The following NOMO1 variants were observed in gnomAD, a reference collection of about 807,000 sequenced individuals.
NOMO1 encodes NODAL modulator 1.
Under a neutral mutation model 133.8 loss-of-function variants are expected in NOMO1, and 40 were observed. The observed-to-expected ratio is 0.30, with a 90% CI of 0.23 to 0.39. The LOEUF (loss-of-function observed/expected upper bound fraction) is 0.39. NOMO1 is among the 10% of genes least tolerant of loss of function. The probability of loss-of-function intolerance (pLI) is 1.00; values close to 1 mark genes in which losing one functional copy is unlikely to be tolerated. For missense variants in NOMO1, 462 were observed against 1,419.9 expected, an observed-to-expected ratio of 0.33 and a Z score of 10.84; for synonymous variants, 236 against 570.5, an observed-to-expected ratio of 0.41 and a Z score of 8.36.
At position 14,841,754 on chromosome 16, in the gene NOMO1, T is replaced by A. The variant is rs566925285; in HGVS notation, c.301+347T>A. Among the ~76,000 whole-genome samples, 9 of 152,066 alleles carry A rather than the reference T, an allele frequency of 5.9e-5. No homozygotes were observed. The East Asian group carries it at 1.7e-3, about 30-fold the overall frequency. ...CAGGATGGCTTCTTTTTTAGCCCCCTCAGTTTTTTAAGTTTTTATGGAATT... is the reference window on the plus strand; with the variant it reads ...CAGGATGGCTTCTTTTTTAGCCCCCACAGTTTTTTAAGTTTTTATGGAATT... On this transcript the variant is annotated intron_variant, in intron 3 of 30. Coordinates refer to ENST00000287667, the MANE Select transcript of NOMO1 (RefSeq NM_014287.4).
At chr16:14,893,697 T>TAA (rs1178929794) in intron 29 of NOMO1, among the ~76,000 whole-genome samples, 49 of 151,384 alleles carry the variant, frequency 3.2e-4, no homozygotes, top group African/African-American at 1.1e-3. Context: ...GACCCCTTTA[T>TAA]ACTGTTAAAA....
intron 11 of NOMO1, chr16:14,862,310 T>C (rs1177896686): frequency 6.6e-6 from 1 of 152,378 alleles, no homozygotes; most frequent in Non-Finnish European, 1.5e-5. Context: ...TGATGGTCGT[T>C]GTAGGGGGGC....
chr16:14,842,594 T>C (rs1420062988), intron 3 of NOMO1, among the ~76,000 whole-genome samples: 1 of 151,928 alleles, frequency 6.6e-6, no homozygotes, highest in Non-Finnish European at 1.5e-5. Context: ...GAATTTTCAC[T>C]AAGTGAACAC....
rs527581902 is a variant in NOMO1, at chr16:14,882,945, A to G, written c.3111+268A>G. Among the ~76,000 whole-genome samples the G allele has an allele frequency of 8.6e-3, 1,302 of 152,188 alleles. 28 individuals are homozygous for G. Among genetic ancestry groups the G allele is most frequent in the African/African-American group, 0.029 (1,213 of 41,456 alleles). On this transcript the variant is annotated intron_variant, in intron 26 of 30. Coordinates refer to ENST00000287667, the MANE Select transcript of NOMO1 (RefSeq NM_014287.4). The stretch of plus-strand genomic sequence containing the variant: ...CTGTAAGCTCTGATCATTATTCTGC[A>G]AGTTAAGGAACTTAAGGCCTAAGCA...
Position 14,854,007 on chromosome 16 carries a change from ATGACAGCT to A in NOMO1, c.948_955del (p.Asp316GlufsTer35). 8.1e-6 allele frequency: 13 copies of A among 1,597,872 alleles called. 1 individual carries two copies. In the South Asian group the frequency reaches 1.4e-4, roughly 18 times the overall value. ...TCCAGACTTGACTTCACAGTGGAGC[ATGACAGCT>A]TGAAAATCGAGGTAAGGCTTTTCTG... On this transcript the variant is annotated frameshift_variant, in exon 9 of 31. Transcript: ENST00000287667. LOFTEE classifies it high-confidence loss of function.
intron 3 of NOMO1, among the ~76,000 whole-genome samples, chr16:14,842,011 A>T (rs1963610467): frequency 6.6e-6 from 1 of 151,984 alleles, no homozygotes; most frequent in Admixed American, 6.6e-5. Context: ...GCTGGCACGT[A>T]ATTAGCAAGT....
Position 14,884,997 on chromosome 16 carries a change from A to G in NOMO1, c.3222+515A>G, listed in dbSNP as rs938969108. Among the ~76,000 whole-genome samples the G allele has an allele frequency of 2.0e-4, 31 of 152,142 alleles. 2 individuals carry two copies. Among genetic ancestry groups the G allele is most frequent in the African/African-American group, 6.5e-4 (27 of 41,428 alleles). On this transcript the variant is annotated intron_variant, in intron 27 of 30. Coordinates refer to ENST00000287667, the MANE Select transcript of NOMO1 (RefSeq NM_014287.4). ...CTGGGGAGGCCTCAGGAGGCTTCCA[A>G]TCATGGCAGAAGGTGAAGTGGGAGC...
chr16:14,858,828 G>A (rs1457925940), intron 11 of NOMO1, among the ~76,000 whole-genome samples: 1 of 152,066 alleles, frequency 6.6e-6, no homozygotes, highest in Non-Finnish European at 1.5e-5. Flanking sequence ...CAGGACTTGG[G>A]CACAGGAGCT....
At chr16:14,860,383 AG>A (rs908331413) in intron 11 of NOMO1, among the ~76,000 whole-genome samples, 7 of 150,836 alleles carry the variant, frequency 4.6e-5, no homozygotes, top group African/African-American at 1.5e-4. Flanking sequence ...AAAAAAAAAA[AG>A]AGTTATCAGT....
At chr16:14,836,694 C>CTGATTTTT (rs1441454921) in intron 1 of NOMO1, among the ~76,000 whole-genome samples, 72 of 131,166 alleles carry the variant, frequency 5.5e-4, no homozygotes, top group African/African-American at 1.9e-3. Context: ...TTCCATTTTA[C>CTGATTTTT]TTTTTTTTTT....
At chr16:14,882,450 T>G (rs1964257072) in intron 25 of NOMO1, 144 bp from the exon 26 acceptor site, 2 of 1,072,850 alleles carry the variant, frequency 1.9e-6, no homozygotes, top group South Asian at 2.9e-5. Context: ...CTCTGGACTC[T>G]TAAGGTTAAC....
At chr16:14,895,240 AG>A (rs1258708114) in intron 30 of NOMO1, 150 bp downstream of exon 30, 2 of 921,548 alleles carry the variant, frequency 2.2e-6, no homozygotes, top group African/African-American at 3.6e-5. Flanking sequence ...GTCCAGACTT[AG>A]GTCTCCTTTC....
chr16:14,893,806 T>C (rs1964440179), intron 29 of NOMO1, among the ~76,000 whole-genome samples: 1 of 151,580 alleles, frequency 6.6e-6, no homozygotes, highest in Non-Finnish European at 1.5e-5. Context: ...ACGCAAGAAC[T>C]CACAAGCTAC....
At chr16:14,874,947 TA>T (rs1175786298) in intron 18 of NOMO1, 88 bp from the exon 19 acceptor site, 1 of 1,400,098 alleles carries the variant, frequency 7.1e-7, no homozygotes, top group Non-Finnish European at 9.9e-7. Context: ...GTCCAGTTTG[TA>T]ACTCGCAAGT....
At chr16:14,858,560 A>G (rs1039056913) in intron 11 of NOMO1, among the ~76,000 whole-genome samples, 5 of 151,824 alleles carry the variant, frequency 3.3e-5, no homozygotes, top group African/African-American at 9.7e-5. Flanking sequence ...GAGCAAAGTC[A>G]GGCAGTCTCA....
chr16:14,874,433 A>G (rs1964124499), intron 18 of NOMO1, among the ~76,000 whole-genome samples: 1 of 152,024 alleles, frequency 6.6e-6, no homozygotes, highest in Non-Finnish European at 1.5e-5. Flanking sequence ...GTTTACCCAG[A>G]GAGCTGCGTG....
At chr16:14,843,715 TTGTGTGTG>T (rs59391735) in intron 3 of NOMO1, among the ~76,000 whole-genome samples, 4 of 125,992 alleles carry the variant, frequency 3.2e-5, no homozygotes, top group South Asian at 2.9e-4. Flanking sequence ...ATTGGAGTCT[TTGTGTGTG>T]TGTGTGTGTG....
chr16:14,893,452 C>T (rs1275250218), intron 29 of NOMO1, among the ~76,000 whole-genome samples: 3 of 151,692 alleles, frequency 2.0e-5, no homozygotes, highest in Admixed American at 6.6e-5. Flanking sequence ...TCCCAAAGTG[C>T]TGGGATTACA....
intron 26 of NOMO1, among the ~76,000 whole-genome samples, chr16:14,883,583 C>G (rs1390582234): frequency 1.3e-5 from 2 of 151,748 alleles, no homozygotes; most frequent in Non-Finnish European, 2.9e-5. Context: ...CTGCTCGCTT[C>G]GGCCTCCCAA....
Sources: allele counts gnomAD v4.1 joint callset (sites outside exome capture counted in the v4.1 genomes callset), GRCh38; gene constraint gnomAD v4.1.1; transcripts MANE v1.5; gene names NCBI Gene and HGNC (gene_info 2026-07-23, HGNC 2026-07-21).